MAF: variants seen among roughly 807,000 people sequenced by gnomAD.
MAF encodes the protein MAF bZIP transcription factor.
MAF carries 10 observed loss-of-function variants against 22.0 expected under a neutral mutation model. That is an observed-to-expected ratio of 0.45 (90% CI 0.28 to 0.77). The LOEUF is 0.77. Ranked by LOEUF, MAF falls within the 30% of genes least tolerant of loss-of-function variation. The pLI, the probability that MAF is intolerant of heterozygous loss-of-function variation, is 0.12. For missense variants in MAF, 544 were observed against 548.4 expected (o/e 0.99, Z 0.08); for synonymous variants, 337 against 255.8 (o/e 1.32, Z -3.03).
the MAF span, among the ~76,000 whole-genome samples, chr16:79,513,278 C>T: frequency 3.9e-5 from 6 of 152,212 alleles, no homozygotes; most frequent in Non-Finnish European, 4.4e-5. Context: ...TTTACAGCCA[C>T]AGAAACATGA....
chr16:79,244,482 TA>T, the MAF span, among the ~76,000 whole-genome samples: 9 of 151,784 alleles, frequency 5.9e-5, no homozygotes, highest in Admixed American at 3.3e-4. Flanking sequence ...ACAAAGAGAA[TA>T]AAATACCTAG....
At chr16:79,331,736 TC>T in the MAF span, among the ~76,000 whole-genome samples, 1 of 152,138 alleles carries the variant, frequency 6.6e-6, no homozygotes, top group Non-Finnish European at 1.5e-5. Flanking sequence ...TCCAGTGTCT[TC>T]CCTGGCCTCC....
chr16:79,371,650 A>G, the MAF span, among the ~76,000 whole-genome samples: 1 of 152,170 alleles, frequency 6.6e-6, no homozygotes, highest in South Asian at 2.1e-4. Context: ...CCTTTCCCTA[A>G]AAACCCTTCC....
chr16:79,417,005 G>A, the MAF span, among the ~76,000 whole-genome samples: 1 of 152,156 alleles, frequency 6.6e-6, no homozygotes, highest in Non-Finnish European at 1.5e-5. Context: ...TGGAATCCAG[G>A]CAAACATGTT....
At chr16:79,533,367 G>A in the MAF span, among the ~76,000 whole-genome samples, 1 of 152,090 alleles carries the variant, frequency 6.6e-6, no homozygotes, top group Admixed American at 6.6e-5. Context: ...ATACAACTGA[G>A]TCAAAAATAG....
At chr16:79,234,308 G>C in the MAF span, among the ~76,000 whole-genome samples, 3 of 151,974 alleles carry the variant, frequency 2.0e-5, no homozygotes, top group Non-Finnish European at 2.9e-5. Flanking sequence ...AAAGACCCCA[G>C]AGATGTCTGG....
the MAF span, among the ~76,000 whole-genome samples, chr16:79,413,303 C>T: frequency 1.5e-5 from 2 of 130,564 alleles, no homozygotes; most frequent in African/African-American, 2.9e-5. Context: ...AGTACAGTGG[C>T]GCAGCCTCGG....
chr16:79,208,551 A>G, the MAF span, among the ~76,000 whole-genome samples: 11 of 152,176 alleles, frequency 7.2e-5, no homozygotes, highest in South Asian at 2.1e-4. Flanking sequence ...TGGCTCTTTC[A>G]TCTTTTCTGC....
chr16:79,397,032 T>G, the MAF span, among the ~76,000 whole-genome samples: 1 of 152,214 alleles, frequency 6.6e-6, no homozygotes, highest in East Asian at 1.9e-4. Context: ...CTGAAGTCGG[T>G]TGACTCATCT....
the MAF span, among the ~76,000 whole-genome samples, chr16:79,486,481 A>G: frequency 6.6e-6 from 1 of 152,192 alleles, no homozygotes; most frequent in Admixed American, 6.5e-5. Flanking sequence ...TATTTTACCC[A>G]AAGACTGATT....
the MAF span, among the ~76,000 whole-genome samples, chr16:79,375,931 C>T: frequency 6.6e-6 from 1 of 152,136 alleles, no homozygotes; most frequent in African/African-American, 2.4e-5. Context: ...TCAAACACTG[C>T]ACTGGAGATC....
chr16:79,378,420 C>T, the MAF span, among the ~76,000 whole-genome samples: 4 of 152,062 alleles, frequency 2.6e-5, no homozygotes, highest in Admixed American at 6.5e-5. Context: ...CCAAGCTTGG[C>T]GAAACAAAGC....
At chr16:79,457,103 T>A in the MAF span, among the ~76,000 whole-genome samples, 1 of 152,080 alleles carries the variant, frequency 6.6e-6, no homozygotes, top group Non-Finnish European at 1.5e-5. Flanking sequence ...GAATCACAAG[T>A]GTTGATTTGT....
the MAF span, among the ~76,000 whole-genome samples, chr16:79,477,380 G>T: frequency 6.6e-6 from 1 of 152,146 alleles, no homozygotes; most frequent in Non-Finnish European, 1.5e-5. Context: ...GGGCCAGACG[G>T]ATCAGCTTTG....
chr16:79,384,759 A>C, the MAF span, among the ~76,000 whole-genome samples: 1 of 152,196 alleles, frequency 6.6e-6, no homozygotes, highest in Admixed American at 6.5e-5. Flanking sequence ...TCTGTCTCAA[A>C]AAAAATAAAA....
the MAF span, among the ~76,000 whole-genome samples, chr16:79,338,100 G>C: frequency 6.6e-6 from 1 of 152,190 alleles, no homozygotes; most frequent in Non-Finnish European, 1.5e-5. Flanking sequence ...ATACACGCAA[G>C]TCAGCAATTC....
At chr16:79,306,738 G>C in the MAF span, among the ~76,000 whole-genome samples, 1 of 152,086 alleles carries the variant, frequency 6.6e-6, no homozygotes, top group Non-Finnish European at 1.5e-5. Flanking sequence ...TCTTGGGCTG[G>C]GCAATCCTCA....
chr16:79,478,563 T>C, the MAF span, among the ~76,000 whole-genome samples: 3 of 152,182 alleles, frequency 2.0e-5, no homozygotes, highest in Non-Finnish European at 2.9e-5. Flanking sequence ...TCTTTATTTA[T>C]AGGATCTTGT....
chr16:79,488,234 T>C, the MAF span, among the ~76,000 whole-genome samples: 2 of 152,124 alleles, frequency 1.3e-5, no homozygotes, highest in Non-Finnish European at 2.9e-5. Context: ...GAACCTGCCT[T>C]TTCCTCCAAT....
Sources: allele counts gnomAD v4.1 joint callset (sites outside exome capture counted in the v4.1 genomes callset), GRCh38; gene constraint gnomAD v4.1.1; transcripts MANE v1.5; gene names NCBI Gene and HGNC (gene_info 2026-07-23, HGNC 2026-07-21).